CPT1A: variants seen among roughly 807,000 people sequenced by gnomAD.
The protein encoded by CPT1A is carnitine O-palmitoyltransferase 1, liver isoform.
In CPT1A, 64 loss-of-function variants were observed where a neutral mutation model predicts 100.8. That is an observed-to-expected ratio of 0.63 (90% confidence interval 0.52 to 0.78). The LOEUF (loss-of-function observed/expected upper bound fraction) is 0.78. CPT1A is among the 30% of genes least tolerant of loss of function. CPT1A has a pLI of 0.00. For synonymous variants in CPT1A, 363 were observed against 396.0 expected (o/e 0.92, Z 0.99); for missense variants, 802 against 1,034.1 (o/e 0.78, Z 3.08).
rs537631945 is a variant in CPT1A at position 68,813,954 on chromosome 11, C to T, written c.142-1378G>A. Among the ~76,000 whole-genome samples the T allele has an allele frequency of 7.2e-5, 11 of 152,252 alleles. No individual in the cohort carries two copies. The South Asian group carries it at 2.3e-3, about 32-fold the overall frequency. On this transcript the variant is annotated intron_variant, in intron 2 of 18. Transcript: ENST00000265641. ...CTGTACTGGCTCCCAGGGGCTTGCCCGCCATGCTGTCCCTGCTGCCACCTG... is the reference window on the plus strand; with the variant it reads ...CTGTACTGGCTCCCAGGGGCTTGCCTGCCATGCTGTCCCTGCTGCCACCTG...
At chr11:68,772,813 C>A (rs1325414066) in intron 14 of CPT1A, among the ~76,000 whole-genome samples, 2 of 151,910 alleles carry the variant, frequency 1.3e-5, no homozygotes, top group South Asian at 2.1e-4. Flanking sequence ...TTATTTTGTT[C>A]CCAAGCAGAG....
chr11:68,811,419 T>C (rs1856202665), intron 3 of CPT1A, among the ~76,000 whole-genome samples: 1 of 152,140 alleles, frequency 6.6e-6, no homozygotes, highest in Non-Finnish European at 1.5e-5. Flanking sequence ...GTAAAATGTG[T>C]GTCCAAGCCC....
At chr11:68,788,638 A>AAAAAAAAAAAAAAAAC in intron 9 of CPT1A, among the ~76,000 whole-genome samples, 1 of 148,888 alleles carries the variant, frequency 6.7e-6, no homozygotes, top group Non-Finnish European at 1.5e-5. Flanking sequence ...AGTAAAAAAA[A>AAAAAAAAAAAAAAAAC]AAAAAAAAAA....
intron 1 of CPT1A, among the ~76,000 whole-genome samples, chr11:68,820,486 C>T (rs1465434736): frequency 6.6e-6 from 1 of 151,792 alleles, no homozygotes; most frequent in Non-Finnish European, 1.5e-5. Context: ...GGTTCGAGAC[C>T]AGCCTGGCCA....
chr11:68,769,639 T>A (rs1854930166), intron 14 of CPT1A, among the ~76,000 whole-genome samples: 1 of 152,140 alleles, frequency 6.6e-6, no homozygotes, highest in Non-Finnish European at 1.5e-5. Context: ...TGATTGCTTT[T>A]CTTTTCAAAA....
chr11:68,813,373 A>T (rs1316071882), intron 2 of CPT1A, among the ~76,000 whole-genome samples: 1 of 151,804 alleles, frequency 6.6e-6, no homozygotes, highest in Non-Finnish European at 1.5e-5. Flanking sequence ...TCTACTAAAA[A>T]TACAAAAAAT....
At chr11:68,815,557 A>C in intron 1 of CPT1A, 70 bp from the exon 2 acceptor site, 12 of 1,472,952 alleles carry the variant, frequency 8.1e-6, no homozygotes, top group Non-Finnish European at 1.1e-5. Flanking sequence ...CTCATACAGA[A>C]GTGCCATTCC....
At chr11:68,758,319 C>A (rs986654568) in intron 18 of CPT1A, among the ~76,000 whole-genome samples, 4 of 152,082 alleles carry the variant, frequency 2.6e-5, no homozygotes, top group Admixed American at 6.6e-5. Context: ...ACAAATAAAC[C>A]CCAACTTCCT....
chr11:68,784,311 A>G (rs1195821702), intron 10 of CPT1A, among the ~76,000 whole-genome samples: 1 of 152,216 alleles, frequency 6.6e-6, no homozygotes, highest in Non-Finnish European at 1.5e-5. Flanking sequence ...CTGTAATCCC[A>G]GAACTTTGGG....
intron 1 of CPT1A, among the ~76,000 whole-genome samples, chr11:68,825,647 C>T (rs1856705725): frequency 6.6e-6 from 1 of 152,096 alleles, no homozygotes; most frequent in African/African-American, 2.4e-5. Context: ...GCAGGGCCTC[C>T]CCCCAGTGCC....
Position 68,838,540 on chromosome 11 carries a change from G to A in CPT1A, c.-14+3235C>T, listed in dbSNP as rs149049372. On this transcript the variant is annotated intron_variant, in intron 1 of 18. Coordinates refer to ENST00000265641, the MANE Select transcript of CPT1A (RefSeq NM_001876.4). Reference sequence around the variant, plus strand: ...TGGCATCTGGAGAGGGGAACCAAGTGAGAAGGACTCTACTCTGTATCTGCA... The same window carrying A: ...TGGCATCTGGAGAGGGGAACCAAGTAAGAAGGACTCTACTCTGTATCTGCA... 3.7e-3 allele frequency among the ~76,000 whole-genome samples: 459 copies of A among 122,508 alleles called. 7 individuals are homozygous for A. Among genetic ancestry groups the A allele is most frequent in the African/African-American group, 0.013 (438 of 32,662 alleles). The allele number at this position is 122,508 out of a possible 152,430, so 80.4% of individuals were successfully genotyped here. A position where few individuals can be genotyped will look rare whatever the true frequency, so the allele number is the denominator to read the frequency against.
chr11:68,761,457 T>C, intron 16 of CPT1A, 78 bp downstream of exon 16: 3 of 1,502,890 alleles, frequency 2.0e-6, no homozygotes, highest in Non-Finnish European at 2.8e-6. Context: ...CATTAAAATA[T>C]GTTCATGCAA....
chr11:68,772,016 G>A (rs1855002429), intron 14 of CPT1A, among the ~76,000 whole-genome samples: 1 of 152,102 alleles, frequency 6.6e-6, no homozygotes, highest in African/African-American at 2.4e-5. Context: ...TACCAAGGTT[G>A]GGGGGGCAGT....
At chr11:68,775,525 T>A in intron 12 of CPT1A, 93 bp from the exon 13 acceptor site, 2 of 1,028,946 alleles carry the variant, frequency 1.9e-6, no homozygotes, top group South Asian at 2.6e-5. Flanking sequence ...TTTGCAGAGA[T>A]GTTACAAAGT....
At chr11:68,780,810 CCT>C (rs1255010523) in intron 11 of CPT1A, 65 bp from the exon 12 acceptor site, 1 of 1,182,638 alleles carries the variant, frequency 8.5e-7, no homozygotes, top group African/African-American at 1.5e-5. Context: ...AGACATTGCA[CCT>C]CTCTGCTTCA....
chr11:68,796,644 T>A (rs535018482), intron 7 of CPT1A, among the ~76,000 whole-genome samples: 9 of 152,024 alleles, frequency 5.9e-5, no homozygotes, highest in Admixed American at 1.3e-4. Flanking sequence ...GCAACCCAAA[T>A]CCCCCTGCAG....
chr11:68,783,350 T>C (rs1012789463), intron 10 of CPT1A, among the ~76,000 whole-genome samples: 4 of 147,768 alleles, frequency 2.7e-5, no homozygotes, highest in African/African-American at 9.9e-5. Context: ...ATTGGGTGCC[T>C]GGGACCCTCC....
At chr11:68,828,724 T>C (rs1023233328) in intron 1 of CPT1A, among the ~76,000 whole-genome samples, 1 of 126,830 alleles carries the variant, frequency 7.9e-6, no homozygotes, top group Non-Finnish European at 1.8e-5. Context: ...GGGCATGGCA[T>C]GGCCTGAGGC....
intron 12 of CPT1A, among the ~76,000 whole-genome samples, chr11:68,778,886 C>T (rs1015987220): frequency 2.6e-5 from 4 of 151,656 alleles, no homozygotes; most frequent in Middle Eastern, 3.4e-3. Context: ...CCCGGGTTCA[C>T]GCCATTCTCC....
Sources: gnomAD v4.1 joint callset for allele counts (sites outside exome capture counted in the v4.1 genomes callset) on GRCh38, gnomAD v4.1.1 for gene constraint, MANE v1.5 for transcripts, NCBI Gene and HGNC (gene_info 2026-07-23, HGNC 2026-07-21) for gene names.